Variants in TRPM2 observed in about 807,000 individuals in gnomAD.
TRPM2 encodes the protein transient receptor potential cation channel subfamily M member 2.
A neutral mutation model predicts 174.0 loss-of-function variants in TRPM2; 161 were observed. That is an observed-to-expected ratio of 0.93 (90% CI 0.81 to 1.05). The LOEUF (loss-of-function observed/expected upper bound fraction) is 1.05. Ranked by LOEUF, TRPM2 falls within the 50% of genes least tolerant of loss-of-function variation. TRPM2 has a pLI of 0.00. For missense variants in TRPM2, 2,057 were observed against 2,038.0 expected (o/e 1.01, Z -0.18); for synonymous variants, 954 against 861.3 (o/e 1.11, Z -1.88).
chr21:44,373,060 A>G (rs2048586750), intron 5 of TRPM2, among the ~76,000 whole-genome samples: 1 of 152,216 alleles, frequency 6.6e-6, no homozygotes, highest in African/African-American at 2.4e-5. Flanking sequence ...AGGGCTCTGC[A>G]GACCTTTCCT....
At chr21:44,364,816 C>T (rs143690586) in intron 3 of TRPM2, among the ~76,000 whole-genome samples, 12 of 152,308 alleles carry the variant, frequency 7.9e-5, no homozygotes, top group South Asian at 2.1e-4. Flanking sequence ...TGCAGGAGAG[C>T]GCTGTGAGGG....
chr21:44,363,443 G>C lies in TRPM2; in HGVS notation c.255-671G>C, dbSNP rs577131589. On this transcript the variant is annotated intron_variant, in intron 2 of 31. Transcript: ENST00000397928. ...TTCCTGCTCCTGGGTTCTTTCCTCTGTCTCCTCCATCCTGCTGTTAGGTCC... is the reference window on the plus strand; with the variant it reads ...TTCCTGCTCCTGGGTTCTTTCCTCTCTCTCCTCCATCCTGCTGTTAGGTCC... Among the ~76,000 whole-genome samples the C allele has an allele frequency of 2.6e-5, 4 of 152,160 alleles. No homozygotes were observed. The East Asian group carries it at 7.7e-4, about 29-fold the overall frequency.
intron 27 of TRPM2, among the ~76,000 whole-genome samples, chr21:44,428,582 C>G (rs1018405153): frequency 7.0e-6 from 1 of 142,368 alleles, no homozygotes; most frequent in Admixed American, 7.0e-5. Flanking sequence ...TGAGGTGTGA[C>G]TCCTCCCCTT....
chr21:44,379,833 T>G (rs1000781076), intron 8 of TRPM2, among the ~76,000 whole-genome samples: 1 of 152,182 alleles, frequency 6.6e-6, no homozygotes, highest in Non-Finnish European at 1.5e-5. Context: ...CTGACTCAAT[T>G]CCTGGCAGGA....
Position 44,367,030 on chromosome 21 carries a change from C to G in TRPM2, c.604+96C>G. The G allele has an allele frequency of 7.1e-7, 1 of 1,398,628 alleles. No homozygotes were observed. Among genetic ancestry groups the G allele is most frequent in the East Asian group, 2.5e-5 (1 of 40,100 alleles). 86.6% of individuals were successfully genotyped at this position (1,398,628 alleles called of 1,614,324 possible). A position where few individuals can be genotyped will look rare whatever the true frequency, so the allele number is the denominator to read the frequency against. On this transcript the variant is annotated intron_variant, in intron 4 of 31. Coordinates refer to ENST00000397928, the MANE Select transcript of TRPM2 (RefSeq NM_003307.4). This position sits in a 1 kb window ranked among gnomAD's most constrained non-coding sequence, Gnocchi z 4.6. The stretch of plus-strand genomic sequence containing the variant: ...TCAGGGCCATCAGGACCCAAAAAGT[C>G]CCTGGGAGCCGCCGAGGCTGTGCCC...
intron 2 of TRPM2, among the ~76,000 whole-genome samples, chr21:44,362,515 GAAAA>G (rs57444178): frequency 2.2e-5 from 3 of 136,296 alleles, no homozygotes; most frequent in Non-Finnish European, 3.2e-5. Context: ...TCCATTTCAA[GAAAA>G]AAAAAAAAGA....
Position 44,395,466 on chromosome 21 carries a change from C to T in TRPM2, c.1847C>T (p.Thr616Ile), listed in dbSNP as rs1032967730. 3 of 1,613,016 alleles carry T rather than the reference C, an allele frequency of 1.9e-6. No homozygotes were observed. The highest frequency in any genetic ancestry group is 2.2e-5 in the East Asian group (1 of 44,876). The change falls in exon 12 of 32, where the codon ACC becomes ATC. Residue 616 changes from threonine to isoleucine, a missense_variant. Thr to Ile is a moderately conservative substitution (Grantham distance 89, BLOSUM62 -1). Coordinates refer to ENST00000397928, the MANE Select transcript of TRPM2 (RefSeq NM_003307.4). ...TACAAGCGTTCCTCAGGCCATGTGACCTTCACCATGGACCCCATCCGTGAC... is the reference window on the plus strand; with the variant it reads ...TACAAGCGTTCCTCAGGCCATGTGATCTTCACCATGGACCCCATCCGTGAC... ...SLYKRSSGHVTFTMDPIRDLL... is the reference protein window; with the variant it reads ...SLYKRSSGHVIFTMDPIRDLL...
rs1197481339 is a variant in TRPM2, at chr21:44,405,926, C to G, written c.2679C>G (p.Tyr893Ter). 1.2e-6 allele frequency: 2 copies of G among 1,605,450 alleles called. No individual in the cohort carries two copies. ...CCAGGCTCATCCCGGCGACGCTGTA[C>G]CCCGGGCGCGTCATCCTCTCTCTGG... The part of the protein sequence containing the change: ...LTCRLIPATL[Y>*]PGRVILSLDF... The change falls in exon 18 of 32, where the codon TAC becomes TAG. Residue 893 changes from tyrosine to a stop codon, truncating the protein, a stop_gained. Coordinates refer to ENST00000397928, the MANE Select transcript of TRPM2 (RefSeq NM_003307.4). LOFTEE classifies it high-confidence loss of function.
At chr21:44,394,110 C>T (rs1211190925) in intron 11 of TRPM2, among the ~76,000 whole-genome samples, 2 of 152,108 alleles carry the variant, frequency 1.3e-5, no homozygotes, top group African/African-American at 2.4e-5. Flanking sequence ...ACCTTAGGAT[C>T]CACCCATCTT....
intron 30 of TRPM2, among the ~76,000 whole-genome samples, chr21:44,440,370 C>T (rs2051455044): frequency 6.7e-6 from 1 of 149,086 alleles, no homozygotes; most frequent in African/African-American, 2.5e-5. Context: ...CAACATTGTG[C>T]AGCCACCACC....
rs3788122 is a variant in TRPM2 at position 44,427,737 on chromosome 21, G to A, written c.3974+626G>A. ...AGAGGAACCAAAGGGTCTGAAGGAC[G>A]GGGGGACTGCGTGGCAGGCCTTTGC... On this transcript the variant is annotated intron_variant, in intron 27 of 31. Transcript: ENST00000397928. 7.4e-3 allele frequency among the ~76,000 whole-genome samples: 1,124 copies of A among 152,294 alleles called. 16 individuals carry two copies. The highest frequency in any genetic ancestry group is 0.021 in the South Asian group (103 of 4,824).
chr21:44,369,917 T>G (rs2048480015), intron 5 of TRPM2, among the ~76,000 whole-genome samples: 1 of 62,738 alleles, frequency 1.6e-5, no homozygotes, highest in Non-Finnish European at 3.1e-5. Context: ...GGCCGGGGTG[T>G]GGGTGAGTTC....
Position 44,391,166 on chromosome 21 carries a change from C to T in TRPM2, c.1441-106C>T. 3 of 1,535,784 alleles carry T rather than the reference C, an allele frequency of 2.0e-6. No homozygotes were observed. The highest frequency in any genetic ancestry group is 1.2e-5 in the South Asian group (1 of 81,450). On this transcript the variant is annotated intron_variant, in intron 10 of 31. Coordinates refer to ENST00000397928, the MANE Select transcript of TRPM2 (RefSeq NM_003307.4). This position sits in a 1 kb window ranked among gnomAD's most constrained non-coding sequence, Gnocchi z 5.0. ...GGGTGACCTGGGCAGCTTTCATCCT[C>T]CCCAGGTTGGGGACAACAGCAGCCC...
Position 44,371,686 on chromosome 21 carries a change from G to A in TRPM2, c.771+2343G>A, listed in dbSNP as rs549100704. Among the ~76,000 whole-genome samples, 160 of 152,358 alleles carry A rather than the reference G, an allele frequency of 1.1e-3. 3 individuals are homozygous for A. The South Asian group carries it at 0.023, about 22-fold the overall frequency. ...CAGATCTTTAACTGACATCTGCAAAGATGCTTTTCCAAACAAGGAAATGAG... is the reference window on the plus strand; with the variant it reads ...CAGATCTTTAACTGACATCTGCAAAAATGCTTTTCCAAACAAGGAAATGAG... On this transcript the variant is annotated intron_variant, in intron 5 of 31. Transcript: ENST00000397928.
Position 44,376,129 on chromosome 21 carries a change from T to G in TRPM2, c.952+116T>G. The G allele has an allele frequency of 8.0e-7, 1 of 1,250,892 alleles. No homozygotes were observed. Among genetic ancestry groups the G allele is most frequent in the Non-Finnish European group, 1.1e-6 (1 of 903,524 alleles). The allele number at this position is 1,250,892 out of a possible 1,614,324, so 77.5% of individuals were successfully genotyped here. On this transcript the variant is annotated intron_variant, in intron 6 of 31. Coordinates refer to ENST00000397928, the MANE Select transcript of TRPM2 (RefSeq NM_003307.4). The surrounding 1 kb of genome is among the most constrained non-coding windows in gnomAD (Gnocchi z 4.2). Reference sequence around the variant, plus strand: ...AACAGGCCTGGCGTTTGGCAGAGAGTGCAGTGGGCTGGTCAGAGTGTCAGG... The same window carrying G: ...AACAGGCCTGGCGTTTGGCAGAGAGGGCAGTGGGCTGGTCAGAGTGTCAGG...
At position 44,418,057 on chromosome 21, in the gene TRPM2, TTCA is replaced by T. The variant is rs746054543; in HGVS notation, c.3281_3283del (p.Ile1094del). 1 of 1,613,144 alleles carries T rather than the reference TTCA, an allele frequency of 6.2e-7. No homozygotes were observed. Among genetic ancestry groups the T allele is most frequent in the Non-Finnish European group, 8.5e-7 (1 of 1,179,964 alleles). ...CATCCTCCTCAGCCACCTGCAGCTC[TTCA>T]TCAAGAGGGTGGTCCTGAAGACTCC... On this transcript the variant is annotated inframe_deletion, in exon 21 of 32. Transcript: ENST00000397928.
intron 5 of TRPM2, among the ~76,000 whole-genome samples, chr21:44,373,775 T>C (rs2048614730): frequency 6.6e-6 from 1 of 152,210 alleles, no homozygotes; most frequent in South Asian, 2.1e-4. Context: ...TTGAACACTT[T>C]GCTTGGAGAT....
chr21:44,427,896 G>A (rs1469096512), intron 27 of TRPM2, among the ~76,000 whole-genome samples: 3 of 152,178 alleles, frequency 2.0e-5, no homozygotes, highest in African/African-American at 7.2e-5. Context: ...CCGCTCTGGT[G>A]TTGGGGGTAT....
chr21:44,382,299 A>C (rs929295725), intron 8 of TRPM2, among the ~76,000 whole-genome samples: 24 of 152,168 alleles, frequency 1.6e-4, no homozygotes, highest in Non-Finnish European at 5.9e-5. Flanking sequence ...GATTATGTAG[A>C]TAGATAGATG....
Sources: gnomAD v4.1 joint callset for allele counts (sites outside exome capture counted in the v4.1 genomes callset) on GRCh38, gnomAD v4.1.1 for gene constraint, Gnocchi (gnomAD v3.1) non-coding constraint, MANE v1.5 for transcripts, NCBI Gene and HGNC (gene_info 2026-07-23, HGNC 2026-07-21) for gene names.